The following PPARGC1A variants were observed in gnomAD, a reference collection of about 807,000 sequenced individuals.
PPARGC1A encodes the protein PPARG coactivator 1 alpha, also known as peroxisome proliferator-activated receptor gamma coactivator 1-alpha.
PPARGC1A carries 25 observed loss-of-function variants against 88.7 expected under a neutral mutation model. The ratio of observed to expected loss-of-function variants is 0.28; its 90% CI spans 0.21 to 0.39. The LOEUF (loss-of-function observed/expected upper bound fraction) is 0.39. Ranked by LOEUF, PPARGC1A falls within the 10% of genes least tolerant of loss-of-function variation. PPARGC1A has a pLI of 1.00. For missense variants in PPARGC1A, 880 were observed against 968.7 expected (o/e 0.91, Z 1.22); for synonymous variants, 363 against 355.6 (o/e 1.02, Z -0.24).
intron 7 of PPARGC1A, among the ~76,000 whole-genome samples, chr4:23,817,525 T>C (rs2109512272): frequency 6.6e-6 from 1 of 152,278 alleles, no homozygotes; most frequent in East Asian, 1.9e-4. Context: ...AGTATATTTT[T>C]CTGCATATAC....
chr4:24,385,814 C>T, the PPARGC1A span, among the ~76,000 whole-genome samples: 55 of 152,256 alleles, frequency 3.6e-4, no homozygotes, highest in South Asian at 1.7e-3. Flanking sequence ...ACCAGAGGTA[C>T]ACAGAGGAGC....
Position 23,831,660 on chromosome 4 carries a change from A to G in PPARGC1A, c.326T>C (p.Phe109Ser). ...CACGTCTCCATCTGTCAGCGCATCA[A>G]ATGAGGGCAATCCGTCTTCATCCAC... ...LPVDEDGLPS[F>S]DALTDGDVTT... Residue 109 changes from phenylalanine (F) to serine (S), a missense_variant, in exon 3 of 13, where the codon TTT becomes TCT. Coordinates refer to ENST00000264867, the MANE Select transcript of PPARGC1A (RefSeq NM_013261.5). 1 of 1,613,978 alleles carries G rather than the reference A, an allele frequency of 6.2e-7. No individual in the cohort carries two copies.
At chr4:24,419,838 A>G in the PPARGC1A span, among the ~76,000 whole-genome samples, 2 of 152,180 alleles carry the variant, frequency 1.3e-5, no homozygotes, top group African/African-American at 2.4e-5. Flanking sequence ...ATTCCTGCCA[A>G]CTTTAGGTTT....
intron 7 of PPARGC1A, chr4:23,820,648 A>C (rs1217825805): frequency 2.3e-6 from 1 of 441,246 alleles, no homozygotes; most frequent in Admixed American, 2.4e-5. Context: ...CCTGTAAAAG[A>C]GAAGAGTTTT....
chr4:23,858,382 G>A (rs1028835920), intron 2 of PPARGC1A, among the ~76,000 whole-genome samples: 1 of 152,118 alleles, frequency 6.6e-6, no homozygotes, highest in African/African-American at 2.4e-5. Flanking sequence ...ATAACCCTGA[G>A]GCAGGCACTA....
the PPARGC1A span, among the ~76,000 whole-genome samples, chr4:23,924,762 C>T: frequency 1.3e-5 from 2 of 152,122 alleles, no homozygotes; most frequent in African/African-American, 4.8e-5. Context: ...TATTGAATTC[C>T]TCCCCTCACC....
At chr4:24,339,884 G>A in the PPARGC1A span, among the ~76,000 whole-genome samples, 3 of 151,890 alleles carry the variant, frequency 2.0e-5, no homozygotes, top group African/African-American at 4.8e-5. Flanking sequence ...GACTACAGGC[G>A]CCCACCACCA....
chr4:24,145,229 A>C, the PPARGC1A span, among the ~76,000 whole-genome samples: 30 of 152,038 alleles, frequency 2.0e-4, no homozygotes, highest in African/African-American at 6.8e-4. Flanking sequence ...TGAAGAGATG[A>C]ACCACTTTGC....
chr4:24,092,701 A>G, the PPARGC1A span, among the ~76,000 whole-genome samples: 1 of 152,184 alleles, frequency 6.6e-6, no homozygotes, highest in Non-Finnish European at 1.5e-5. Context: ...TAATTCCAGA[A>G]GGAATGAGAC....
chr4:24,189,126 G>C, the PPARGC1A span, among the ~76,000 whole-genome samples: 2 of 152,074 alleles, frequency 1.3e-5, no homozygotes, highest in Non-Finnish European at 2.9e-5. Flanking sequence ...GTAGAACGCT[G>C]GTTGCCAGGG....
chr4:24,392,062 G>A, the PPARGC1A span, among the ~76,000 whole-genome samples: 1 of 152,124 alleles, frequency 6.6e-6, no homozygotes, highest in African/African-American at 2.4e-5. Context: ...GGAGAAACCT[G>A]ATAGTTTTCC....
chr4:23,973,574 G>A, the PPARGC1A span, among the ~76,000 whole-genome samples: 7 of 152,166 alleles, frequency 4.6e-5, no homozygotes, highest in South Asian at 8.3e-4. Context: ...TTCTATGCAT[G>A]ATTTGAATTT....
chr4:24,294,900 G>A, the PPARGC1A span, among the ~76,000 whole-genome samples: 1 of 152,184 alleles, frequency 6.6e-6, no homozygotes, highest in Admixed American at 6.5e-5. Context: ...AGAGGACAGT[G>A]CAATAACCCA....
At chr4:23,831,447 G>T (rs1724987367) in intron 3 of PPARGC1A, 110 bp downstream of exon 3, 3 of 965,702 alleles carry the variant, frequency 3.1e-6, no homozygotes, top group Non-Finnish European at 4.6e-6. Context: ...GATTGCTTTG[G>T]CATCATTCTA....
At chr4:24,265,413 T>C in the PPARGC1A span, among the ~76,000 whole-genome samples, 1 of 152,230 alleles carries the variant, frequency 6.6e-6, no homozygotes, top group Admixed American at 6.5e-5. Context: ...CACTATTTTC[T>C]GCAATAAATG....
the PPARGC1A span, among the ~76,000 whole-genome samples, chr4:24,028,057 C>T: frequency 6.6e-6 from 1 of 151,964 alleles, no homozygotes; most frequent in Admixed American, 6.6e-5. Flanking sequence ...TAGTCAAAGG[C>T]CTTCAACGAA....
At chr4:24,410,933 C>T in the PPARGC1A span, among the ~76,000 whole-genome samples, 1 of 152,188 alleles carries the variant, frequency 6.6e-6, no homozygotes, top group South Asian at 2.1e-4. Flanking sequence ...TTGCTCCTCA[C>T]CTTGCAGACT....
the PPARGC1A span, among the ~76,000 whole-genome samples, chr4:24,441,258 C>T: frequency 2.6e-5 from 4 of 152,246 alleles, no homozygotes; most frequent in East Asian, 3.9e-4. Context: ...CAGGTGCTTA[C>T]GAAATGATAG....
chr4:23,955,582 A>C, the PPARGC1A span, among the ~76,000 whole-genome samples: 1 of 152,124 alleles, frequency 6.6e-6, no homozygotes, highest in East Asian at 1.9e-4. Flanking sequence ...GGAAAGCAAC[A>C]GCATTGGGTG....
Sources: allele counts gnomAD v4.1 joint callset (sites outside exome capture counted in the v4.1 genomes callset), GRCh38; gene constraint gnomAD v4.1.1; transcripts MANE v1.5; gene names NCBI Gene and HGNC (gene_info 2026-07-23, HGNC 2026-07-21).